Variants in CELF2 observed in about 807,000 individuals in gnomAD.
CELF2 encodes CUG triplet repeat RNA-binding protein 2.
Under a neutral mutation model 62.6 loss-of-function variants are expected in CELF2, and 8 were observed. The observed-to-expected ratio is 0.13, with a 90% CI of 0.07 to 0.23. The LOEUF (loss-of-function observed/expected upper bound fraction) is 0.23, where lower values mean the gene tolerates loss of function less well. Ranked by LOEUF, CELF2 falls within the 10% of genes least tolerant of loss-of-function variation. The pLI is 1.00. For missense variants in CELF2, 333 were observed against 671.0 expected (o/e 0.50, Z 5.56); for synonymous variants, 258 against 250.0 (o/e 1.03, Z -0.30).
intron 1 of CELF2, among the ~76,000 whole-genome samples, chr10:10,871,693 T>G (rs1267513954): frequency 6.6e-6 from 1 of 152,088 alleles, no homozygotes; most frequent in Non-Finnish European, 1.5e-5. Flanking sequence ...GAAGGACTTT[T>G]GGGATGGAAC....
At chr10:10,478,094 C>T in the CELF2 span, among the ~76,000 whole-genome samples, 1 of 152,152 alleles carries the variant, frequency 6.6e-6, no homozygotes, top group Non-Finnish European at 1.5e-5. Context: ...CTTACATACC[C>T]TTCCAGGAAA....
intron 2 of CELF2, among the ~76,000 whole-genome samples, chr10:11,210,243 T>C (rs956258132): frequency 2.6e-5 from 4 of 152,156 alleles, no homozygotes; most frequent in African/African-American, 9.7e-5. Context: ...CATCAGATGA[T>C]CAGTCTGGGG....
rs1338344724 is a variant in CELF2 at position 11,302,644 on chromosome 10, T to C, written c.977-11495T>C. On this transcript the variant is annotated intron_variant, in intron 9 of 12. Coordinates refer to ENST00000633077, the MANE Select transcript of CELF2 (RefSeq NM_001326342.2). This position sits in a 1 kb window ranked among gnomAD's most constrained non-coding sequence, Gnocchi z 5.0. ...CTTGGTGACTTTCTCTGTGATCTGG[T>C]CATTTAGGATCGAGTTGGGTGTACT... Among the ~76,000 whole-genome samples the C allele has an allele frequency of 1.3e-5, 2 of 152,162 alleles. No homozygotes were observed. Among genetic ancestry groups the C allele is most frequent in the Admixed American group, 6.5e-5 (1 of 15,280 alleles).
intron 3 of CELF2, among the ~76,000 whole-genome samples, chr10:11,231,753 T>C (rs546588029): frequency 6.6e-6 from 1 of 151,234 alleles, no homozygotes; most frequent in Non-Finnish European, 1.5e-5. Context: ...GAGACAGCTT[T>C]CCAAACAACG....
At chr10:10,712,186 A>G in the CELF2 span, among the ~76,000 whole-genome samples, 2 of 147,282 alleles carry the variant, frequency 1.4e-5, no homozygotes. Context: ...GGAATCTCTC[A>G]GAATAGGGCA....
the CELF2 span, among the ~76,000 whole-genome samples, chr10:10,490,467 C>A: frequency 2.4e-4 from 36 of 152,054 alleles, no homozygotes; most frequent in Middle Eastern, 3.2e-3. Context: ...AGAGTCAAAC[C>A]TGTCTGTGAT....
upstream of CELF2, among the ~76,000 whole-genome samples, chr10:11,015,498 A>G (rs2137660562): frequency 6.6e-6 from 1 of 152,330 alleles, no homozygotes; most frequent in East Asian, 1.9e-4. This position sits in a 1 kb window ranked among gnomAD's most constrained non-coding sequence, Gnocchi z 4.8. Flanking sequence ...TTTATTTGGC[A>G]GCCAAAGTAT....
chr10:10,507,209 C>T, the CELF2 span, among the ~76,000 whole-genome samples: 1 of 152,096 alleles, frequency 6.6e-6, no homozygotes, highest in African/African-American at 2.4e-5. Context: ...TACTGAAAAA[C>T]TGGCTGTTGT....
Position 11,267,649 on chromosome 10 carries a change from T to A in CELF2, c.618+972T>A, listed in dbSNP as rs1265837356. Among the ~76,000 whole-genome samples, 1 of 152,258 alleles carries A rather than the reference T, an allele frequency of 6.6e-6. No homozygotes were observed. The highest frequency in any genetic ancestry group is 1.5e-5 in the Non-Finnish European group (1 of 68,046). On this transcript the variant is annotated intron_variant, in intron 6 of 12. Transcript: ENST00000633077. The surrounding 1 kb of genome is among the most constrained non-coding windows in gnomAD (Gnocchi z 4.4). ...ACTTTTTTCTTGATTGAGCTTCTGT[T>A]TTCCCCCCATTTTGTTGGGGTTTTA...
chr10:10,558,767 G>A, the CELF2 span, among the ~76,000 whole-genome samples: 2 of 152,114 alleles, frequency 1.3e-5, no homozygotes, highest in African/African-American at 2.4e-5. Context: ...GTCTTGGGAG[G>A]GTGTATGTGT....
chr10:11,171,069 G>A (rs1187715652), intron 2 of CELF2, among the ~76,000 whole-genome samples: 1 of 152,194 alleles, frequency 6.6e-6, no homozygotes, highest in Non-Finnish European at 1.5e-5. Flanking sequence ...TCAGCTCAAA[G>A]AGAAATAGAA....
the CELF2 span, among the ~76,000 whole-genome samples, chr10:10,559,478 C>G: frequency 1.3e-5 from 2 of 152,178 alleles, no homozygotes. Context: ...ACTAGCTGTT[C>G]AAAACACCAC....
At chr10:11,160,810 T>C (rs968100844) in intron 1 of CELF2, among the ~76,000 whole-genome samples, 2 of 152,248 alleles carry the variant, frequency 1.3e-5, no homozygotes, top group South Asian at 4.1e-4. Context: ...TTAGCATTCG[T>C]ATAATAATTT....
chr10:11,004,893 C>G (rs1592966083), upstream of CELF2, among the ~76,000 whole-genome samples: 1 of 152,194 alleles, frequency 6.6e-6, no homozygotes, highest in African/African-American at 2.4e-5. The surrounding 1 kb of genome is among the most constrained non-coding windows in gnomAD (Gnocchi z 5.0). Context: ...TTTTAGCACA[C>G]TGACCCATCC....
chr10:10,898,118 C>T (rs1375996507), intron 1 of CELF2, among the ~76,000 whole-genome samples: 3 of 152,272 alleles, frequency 2.0e-5, no homozygotes, highest in East Asian at 3.9e-4. Flanking sequence ...TCAATTTCCT[C>T]CCTTTTGGAA....
chr10:10,563,764 TGTGTA>T, the CELF2 span, among the ~76,000 whole-genome samples: 1 of 152,158 alleles, frequency 6.6e-6, no homozygotes, highest in East Asian at 1.9e-4. Context: ...TTCTATGTAA[TGTGTA>T]TTCTGTGGAC....
At chr10:10,595,376 A>C in the CELF2 span, among the ~76,000 whole-genome samples, 1 of 152,284 alleles carries the variant, frequency 6.6e-6, no homozygotes, top group African/African-American at 2.4e-5. Flanking sequence ...AAGGATATAC[A>C]AAGTACACAC....
chr10:11,163,473 G>A (rs557573367), intron 1 of CELF2, among the ~76,000 whole-genome samples: 3 of 152,298 alleles, frequency 2.0e-5, no homozygotes, highest in Admixed American at 2.0e-4. Flanking sequence ...AGACCCACAG[G>A]GTTCAAGTGT....
At chr10:11,163,832 G>A (rs190591990) in intron 1 of CELF2, among the ~76,000 whole-genome samples, 69 of 152,290 alleles carry the variant, frequency 4.5e-4, no homozygotes, top group Non-Finnish European at 6.9e-4. Flanking sequence ...TCCTTACCCC[G>A]TAGGGTTTTG....
Sources: allele counts gnomAD v4.1 joint callset (sites outside exome capture counted in the v4.1 genomes callset), GRCh38; gene constraint gnomAD v4.1.1; non-coding constraint Gnocchi (gnomAD v3.1); transcripts MANE v1.5; gene names NCBI Gene and HGNC (gene_info 2026-07-23, HGNC 2026-07-21).